Variants in MMP26 observed in about 807,000 individuals in gnomAD.
The protein encoded by MMP26 is matrix metalloproteinase-26.
MMP26 carries 33 observed loss-of-function variants against 31.0 expected under a neutral mutation model. That is an observed-to-expected ratio of 1.06 (90% confidence interval 0.81 to 1.42). The LOEUF (loss-of-function observed/expected upper bound fraction) is 1.42. Ranked by LOEUF, MMP26 falls within the 40% of genes most tolerant of loss-of-function variation. The pLI, the probability that MMP26 is intolerant of heterozygous loss-of-function variation, is 0.00. For missense variants in MMP26, 347 were observed against 316.1 expected (o/e 1.10, Z -0.74); for synonymous variants, 122 against 114.9 (o/e 1.06, Z -0.40).
chr11:4,955,826 G>A (rs1346765533), intron 2 of MMP26: 3 of 787,986 alleles, frequency 3.8e-6, no homozygotes, highest in Admixed American at 5.4e-5. Context: ...AAAAAAAGCA[G>A]TGTTAAAATT....
chr11:4,869,781 C>T (rs2133524609), intron 2 of MMP26, among the ~76,000 whole-genome samples: 1 of 152,274 alleles, frequency 6.6e-6, no homozygotes, highest in South Asian at 2.1e-4. Flanking sequence ...ATGTTTATTG[C>T]AGCACTATTC....
chr11:4,717,654 A>G (rs1457263472), intron 1 of MMP26, among the ~76,000 whole-genome samples: 1 of 123,146 alleles, frequency 8.1e-6, no homozygotes, highest in African/African-American at 2.5e-5. Flanking sequence ...AATGATAATA[A>G]CTAACATTTG....
At chr11:4,730,778 A>G (rs1848163618) in intron 1 of MMP26, among the ~76,000 whole-genome samples, 1 of 152,160 alleles carries the variant, frequency 6.6e-6, no homozygotes, top group Non-Finnish European at 1.5e-5. Context: ...TCCCAAGGAT[A>G]GCTGGTAGAC....
intron 2 of MMP26, among the ~76,000 whole-genome samples, chr11:4,785,161 G>T (rs569128575): frequency 1.3e-5 from 2 of 152,254 alleles, no homozygotes; most frequent in South Asian, 4.1e-4. Flanking sequence ...ATCCCAGTTT[G>T]CCCAAGACTG....
Position 4,954,048 on chromosome 11 carries a change from C to T in MMP26, c.-144-34020C>T, listed in dbSNP as rs1392734552. ...CAGCTTGGGCTACAGAGCAAGATTT[C>T]GTCTCAAAAAAAATTTCTTTATTGA... On this transcript the variant is annotated intron_variant, in intron 2 of 7. Transcript: ENST00000380390. 1.4e-4 allele frequency among the ~76,000 whole-genome samples: 17 copies of T among 124,164 alleles called. 7 individuals are homozygous for T. The highest frequency in any genetic ancestry group is 1.4e-3 in the East Asian group (6 of 4,438). The allele number at this position is 124,164 out of a possible 152,430, so 81.5% of individuals were successfully genotyped here.
At chr11:4,940,416 A>G (rs561158198) in intron 2 of MMP26, among the ~76,000 whole-genome samples, 9 of 152,194 alleles carry the variant, frequency 5.9e-5, no homozygotes, top group Non-Finnish European at 1.0e-4. Flanking sequence ...CATTTAGTCC[A>G]TCCTTTCAGA....
chr11:4,960,630 C>T (rs543568146), intron 2 of MMP26, among the ~76,000 whole-genome samples: 64 of 152,046 alleles, frequency 4.2e-4, no homozygotes, highest in African/African-American at 1.4e-3. Context: ...AAGAAATAAT[C>T]CTGATTGCTG....
rs565040650 is a variant in MMP26, at chr11:4,949,586, T to G, written c.-144-38482T>G. Among the ~76,000 whole-genome samples the G allele has an allele frequency of 6.5e-5, 8 of 122,770 alleles. No homozygotes were observed. In the East Asian group the frequency reaches 1.8e-3, roughly 28 times the overall value. 80.5% of individuals were successfully genotyped at this position (122,770 alleles called of 152,430 possible). On this transcript the variant is annotated intron_variant, in intron 2 of 7. Transcript: ENST00000380390. ...AGTTCCTATACAGAAAATTATAGGT[T>G]AAATTTATTTATTAGGAAATAAGAG...
intron 1 of MMP26, chr11:4,710,004 G>T (rs1398360058): frequency 6.6e-6 from 3 of 456,770 alleles, no homozygotes; most frequent in South Asian, 4.6e-5. Flanking sequence ...GATTATTAAA[G>T]TGGGCTTTGC....
At chr11:4,972,089 G>T (rs1246981834) in intron 2 of MMP26, among the ~76,000 whole-genome samples, 1 of 152,188 alleles carries the variant, frequency 6.6e-6, no homozygotes, top group African/African-American at 2.4e-5. Context: ...CAGGATTCTT[G>T]CTATCAGCAA....
At chr11:4,809,897 C>A (rs1036532639) in intron 2 of MMP26, among the ~76,000 whole-genome samples, 1 of 152,216 alleles carries the variant, frequency 6.6e-6, no homozygotes, top group Non-Finnish European at 1.5e-5. Context: ...CAGATGATCA[C>A]TCACCCAGAC....
intron 2 of MMP26, among the ~76,000 whole-genome samples, chr11:4,887,931 T>A (rs1056061781): frequency 1.3e-5 from 2 of 152,060 alleles, no homozygotes; most frequent in African/African-American, 4.8e-5. Context: ...TAAGGAAGAT[T>A]GTCCCTCCCT....
At chr11:4,875,229 A>G (rs1275174427) in intron 2 of MMP26, 1 of 152,126 alleles carries the variant, frequency 6.6e-6, no homozygotes, top group Non-Finnish European at 1.5e-5. Context: ...ATCTAATTGC[A>G]TGGAAGAACA....
chr11:4,727,731 C>T (rs1000806062), intron 1 of MMP26, among the ~76,000 whole-genome samples: 4 of 152,132 alleles, frequency 2.6e-5, no homozygotes, highest in Non-Finnish European at 2.9e-5. Context: ...ATTGCTTGAA[C>T]CCGGGAGGTG....
chr11:4,882,945 A>T, intron 2 of MMP26: 1 of 1,346,306 alleles, frequency 7.4e-7, no homozygotes, highest in Non-Finnish European at 1.0e-6. Context: ...GGGCAGTCTT[A>T]TCCACAGGTG....
chr11:4,931,825 A>C (rs1851351828), intron 2 of MMP26, among the ~76,000 whole-genome samples: 3 of 152,082 alleles, frequency 2.0e-5, no homozygotes, highest in African/African-American at 7.2e-5. Flanking sequence ...GGTAGCATAC[A>C]TATAGGAGGC....
At chr11:4,856,583 T>A (rs1850056930) in intron 2 of MMP26, among the ~76,000 whole-genome samples, 1 of 152,034 alleles carries the variant, frequency 6.6e-6, no homozygotes, top group Non-Finnish European at 1.5e-5. Context: ...AAGTCCTGAG[T>A]GACCTACAAA....
chr11:4,824,071 G>A (rs1406071524), intron 2 of MMP26, among the ~76,000 whole-genome samples: 1 of 152,094 alleles, frequency 6.6e-6, no homozygotes, highest in Non-Finnish European at 1.5e-5. Context: ...TGTTTGGGGG[G>A]AAATCTGGAT....
intron 2 of MMP26, among the ~76,000 whole-genome samples, chr11:4,935,270 T>C (rs1851420417): frequency 6.6e-6 from 1 of 150,926 alleles, no homozygotes; most frequent in Non-Finnish European, 1.5e-5. Flanking sequence ...GGTTTGTAGT[T>C]CTCCTTGAAG....
Sources: gnomAD v4.1 joint callset for allele counts (sites outside exome capture counted in the v4.1 genomes callset) on GRCh38, gnomAD v4.1.1 for gene constraint, MANE v1.5 for transcripts, NCBI Gene and HGNC (gene_info 2026-07-23, HGNC 2026-07-21) for gene names.